The following DLGAP2 variants were observed in gnomAD, a reference collection of about 807,000 sequenced individuals.
DLGAP2 encodes DLG associated protein 2.
In DLGAP2, 26 loss-of-function variants were observed where a neutral mutation model predicts 100.3. The ratio of observed to expected loss-of-function variants is 0.26; its 90% CI spans 0.19 to 0.36. The LOEUF is 0.36. DLGAP2 is among the 10% of genes least tolerant of loss of function. The pLI is 1.00. For missense variants in DLGAP2, 1,858 were observed against 1,453.2 expected (o/e 1.28, Z -4.53); for synonymous variants, 886 against 630.1 (o/e 1.41, Z -6.08).
chr8:1,064,793 A>G (rs374020371), intron 2 of DLGAP2, among the ~76,000 whole-genome samples: 1 of 152,182 alleles, frequency 6.6e-6, no homozygotes, highest in Non-Finnish European at 1.5e-5. Context: ...CATGCGGCAG[A>G]GGGACAAATG....
At chr8:1,323,287 C>T (rs2117043115) in intron 3 of DLGAP2, among the ~76,000 whole-genome samples, 1 of 152,286 alleles carries the variant, frequency 6.6e-6, no homozygotes, top group Middle Eastern at 3.4e-3. Context: ...GCCTCAGCCT[C>T]CCAAAGTGCT....
At chr8:1,275,865 T>TATATATAATATATAA (rs1563056330) in intron 3 of DLGAP2, among the ~76,000 whole-genome samples, 7 of 98,066 alleles carry the variant, frequency 7.1e-5, no homozygotes, top group South Asian at 2.9e-4. Context: ...AATATATAAA[T>TATATATAATATATAA]ATATATAATA....
chr8:1,528,196 A>T (rs1332904850), intron 4 of DLGAP2, among the ~76,000 whole-genome samples: 1 of 152,156 alleles, frequency 6.6e-6, no homozygotes, highest in Non-Finnish European at 1.5e-5. Context: ...CCACTGCTGG[A>T]ACAGCTGCCC....
rs961839134 is a variant in DLGAP2, at chr8:1,171,075, T to A, written c.74-87776T>A. Among the ~76,000 whole-genome samples, 2 of 152,194 alleles carry A rather than the reference T, an allele frequency of 1.3e-5. 1 individual carries two copies. The highest frequency in any genetic ancestry group is 2.9e-5 in the Non-Finnish European group (2 of 68,034). Reference sequence around the variant, plus strand: ...TTTGAATGTGTCCGAGATTCTGGTATGTTGTGTCTTTGTTCTCGTTGGTTT... The same window carrying A: ...TTTGAATGTGTCCGAGATTCTGGTAAGTTGTGTCTTTGTTCTCGTTGGTTT... On this transcript the variant is annotated intron_variant, in intron 2 of 14. Transcript: ENST00000637795.
intron 2 of DLGAP2, among the ~76,000 whole-genome samples, chr8:911,322 A>G (rs748642324): frequency 4.2e-4 from 64 of 152,182 alleles, no homozygotes; most frequent in Non-Finnish European, 8.8e-4. Flanking sequence ...ATGCGTGTAT[A>G]TGTTGGAAGG....
At chr8:1,163,969 A>G (rs552020251) in intron 2 of DLGAP2, among the ~76,000 whole-genome samples, 100 of 152,306 alleles carry the variant, frequency 6.6e-4, no homozygotes, top group Non-Finnish European at 8.4e-4. Flanking sequence ...CAGGCCTCCT[A>G]GACGAGAGCC....
At chr8:1,187,848 C>T (rs112592094) in intron 2 of DLGAP2, among the ~76,000 whole-genome samples, 1 of 119,310 alleles carries the variant, frequency 8.4e-6, no homozygotes. Flanking sequence ...CACGGAATCT[C>T]ACACACCCGG....
At position 1,470,818 on chromosome 8, in the gene DLGAP2, TCCA is replaced by T. The variant is rs1563168532; in HGVS notation, c.107-30547_107-30545del. On this transcript the variant is annotated intron_variant, in intron 3 of 14. Coordinates refer to ENST00000637795, the MANE Select transcript of DLGAP2 (RefSeq NM_001346810.2). ...GACCCCTCCAGCCTTTCCCGACCCC[TCCA>T]GCCTTTCCCGACCCCTCCAGGCTTT... Among the ~76,000 whole-genome samples, 81 of 22,452 alleles carry T rather than the reference TCCA, an allele frequency of 3.6e-3. 20 individuals are homozygous for T. Among genetic ancestry groups the T allele is most frequent in the Admixed American group, 0.017 (37 of 2,124 alleles). 14.7% of individuals were successfully genotyped at this position (22,452 alleles called of 152,430 possible). A position where few individuals can be genotyped will look rare whatever the true frequency, so the allele number is the denominator to read the frequency against.
At chr8:815,165 T>G (rs1481637974) in intron 1 of DLGAP2, among the ~76,000 whole-genome samples, 1 of 152,144 alleles carries the variant, frequency 6.6e-6, no homozygotes, top group Non-Finnish European at 1.5e-5. Flanking sequence ...CAGCAGGAGT[T>G]TATTTCTCAC....
rs35118074 is a variant in DLGAP2 at position 1,129,401 on chromosome 8, CAA to C, written c.74-129434_74-129433del. ...CGGGAGACAGAGTGAGACTCCATCT[CAA>C]AAAAAAAAAAAAAAATTTACTTAAA... On this transcript the variant is annotated intron_variant, in intron 2 of 14. Transcript: ENST00000637795. 5.0e-3 allele frequency among the ~76,000 whole-genome samples: 562 copies of C among 112,038 alleles called. 3 individuals carry two copies. The highest frequency in any genetic ancestry group is 0.017 in the Admixed American group (201 of 11,944). The allele number at this position is 112,038 out of a possible 152,430, so 73.5% of individuals were successfully genotyped here.
Position 1,706,096 on chromosome 8 carries a change from G to C in DLGAP2, c.*4690G>C, listed in dbSNP as rs538916023. On this transcript the variant is annotated 3_prime_UTR_variant, in exon 15 of 15. Coordinates refer to ENST00000637795, the MANE Select transcript of DLGAP2 (RefSeq NM_001346810.2). ...ATACATTGTTGGCCATAAACAAAGTGCTAAAGGAAAGGGTTTGCTTCTACA... is the reference window on the plus strand; with the variant it reads ...ATACATTGTTGGCCATAAACAAAGTCCTAAAGGAAAGGGTTTGCTTCTACA... 1 of 152,302 alleles carries C rather than the reference G, an allele frequency of 6.6e-6. No individual in the cohort carries two copies. The highest frequency in any genetic ancestry group is 1.9e-4 in the East Asian group (1 of 5,178). The allele number at this position is 152,302 out of a possible 1,614,324, so 9.4% of individuals were successfully genotyped here.
In DLGAP2 at chr8:1,366,606, G is replaced by T. The variant is rs538272189; in HGVS notation, c.106+107723G>T. Among the ~76,000 whole-genome samples the T allele has an allele frequency of 5.9e-5, 9 of 152,278 alleles. 2 individuals carry two copies. The South Asian group carries it at 1.7e-3, about 28-fold the overall frequency. On this transcript the variant is annotated intron_variant, in intron 3 of 14. Coordinates refer to ENST00000637795, the MANE Select transcript of DLGAP2 (RefSeq NM_001346810.2). ...CACCCCGGCAGAGCAGTGTACAGGG[G>T]CACAGGAACAGAGCAGGGGACCCAA... is the stretch of plus-strand genomic sequence containing the variant.
intron 3 of DLGAP2, among the ~76,000 whole-genome samples, chr8:1,316,563 C>T (rs1348596989): frequency 8.3e-5 from 11 of 132,072 alleles, no homozygotes; most frequent in South Asian, 5.1e-4. Flanking sequence ...GCGAGTGCAG[C>T]GTCTCTCCAA....
chr8:1,660,504 C>T (rs979459540), intron 8 of DLGAP2, among the ~76,000 whole-genome samples: 1 of 152,150 alleles, frequency 6.6e-6, no homozygotes, highest in Non-Finnish European at 1.5e-5. Context: ...ACACACAGAT[C>T]CCCCTTGACC....
At chr8:997,529 G>GA (rs1447609887) in intron 2 of DLGAP2, among the ~76,000 whole-genome samples, 9 of 152,090 alleles carry the variant, frequency 5.9e-5, no homozygotes, top group Non-Finnish European at 8.8e-5. Flanking sequence ...ATAAAATGTA[G>GA]AAGCACTTCA....
At chr8:1,250,822 T>C (rs1311668490) in intron 2 of DLGAP2, among the ~76,000 whole-genome samples, 1 of 152,244 alleles carries the variant, frequency 6.6e-6, no homozygotes, top group African/African-American at 2.4e-5. Context: ...AGCACACTTA[T>C]GTCGGCCTGC....
chr8:887,827 G>A (rs1431320316), intron 1 of DLGAP2, among the ~76,000 whole-genome samples: 1 of 152,056 alleles, frequency 6.6e-6, no homozygotes, highest in Non-Finnish European at 1.5e-5. Flanking sequence ...TTTCAACCTT[G>A]GAGAATCTGA....
intron 3 of DLGAP2, among the ~76,000 whole-genome samples, chr8:1,387,564 A>C (rs1400706333): frequency 1.3e-5 from 2 of 152,168 alleles, no homozygotes; most frequent in African/African-American, 4.8e-5. Context: ...ACGCCACTGA[A>C]CTGCACCACT....
chr8:1,257,468 C>G (rs901373371), intron 2 of DLGAP2, among the ~76,000 whole-genome samples: 48 of 151,760 alleles, frequency 3.2e-4, no homozygotes, highest in African/African-American at 1.1e-3. Flanking sequence ...GCAGATGCTG[C>G]TGCTGTCCCC....
Sources: gnomAD v4.1 joint callset for allele counts (sites outside exome capture counted in the v4.1 genomes callset) on GRCh38, gnomAD v4.1.1 for gene constraint, MANE v1.5 for transcripts, NCBI Gene and HGNC (gene_info 2026-07-23, HGNC 2026-07-21) for gene names.